The following TXLNB variants were observed in gnomAD, a reference collection of about 807,000 sequenced individuals.
TXLNB encodes taxilin beta.
A neutral mutation model predicts 57.4 loss-of-function variants in TXLNB; 37 were observed. The ratio of observed to expected loss-of-function variants is 0.64; its 90% CI spans 0.50 to 0.85. The LOEUF is 0.85. TXLNB is among the 40% of genes least tolerant of loss of function. The pLI is 0.00. For missense variants in TXLNB, 848 were observed against 825.6 expected, an observed-to-expected ratio of 1.03 and a Z score of -0.33; for synonymous variants, 302 against 309.6, an observed-to-expected ratio of 0.98 and a Z score of 0.26.
chr6:139,197,955 C>T, the TXLNB span: 48 of 152,320 alleles, frequency 3.2e-4, no homozygotes, highest in East Asian at 8.9e-3. Flanking sequence ...GAGGTCATAA[C>T]TCTTATGGCC....
At chr6:139,250,722 A>G (rs1776183932) in intron 7 of TXLNB, among the ~76,000 whole-genome samples, 1 of 152,140 alleles carries the variant, frequency 6.6e-6, no homozygotes, top group Non-Finnish European at 1.5e-5. Flanking sequence ...TCCCTCTTGC[A>G]GCCCTGTAGT....
chr6:139,171,633 T>C, the TXLNB span, among the ~76,000 whole-genome samples: 2 of 152,252 alleles, frequency 1.3e-5, no homozygotes, highest in South Asian at 4.2e-4. Flanking sequence ...TTCTTTTTTC[T>C]TTCTTTTTTT....
chr6:139,299,984 C>G, the TXLNB span, among the ~76,000 whole-genome samples: 2 of 152,044 alleles, frequency 1.3e-5, no homozygotes, highest in African/African-American at 4.8e-5. Flanking sequence ...GGTTTTCTAA[C>G]TAACTAACTA....
the TXLNB span, among the ~76,000 whole-genome samples, chr6:139,190,185 C>T: frequency 1.3e-5 from 2 of 152,110 alleles, no homozygotes; most frequent in Non-Finnish European, 2.9e-5. Context: ...TATAACAATA[C>T]CTTAGACTGC....
chr6:139,311,663 G>T, the TXLNB span, among the ~76,000 whole-genome samples: 1 of 152,122 alleles, frequency 6.6e-6, no homozygotes, highest in Non-Finnish European at 1.5e-5. Flanking sequence ...CTGGAAGGAA[G>T]GACATCCAGA....
chr6:139,294,699 T>C (rs1409070134), upstream of TXLNB, among the ~76,000 whole-genome samples: 1 of 152,046 alleles, frequency 6.6e-6, no homozygotes, highest in Non-Finnish European at 1.5e-5. Flanking sequence ...GAAATAAATT[T>C]CCATTGTTGG....
At chr6:139,168,573 C>T in the TXLNB span, among the ~76,000 whole-genome samples, 6,214 of 152,046 alleles carry the variant, frequency 0.041, 135 homozygotes, top group African/African-American at 0.062. Context: ...GACTCTTACC[C>T]TCCTGCTTCT....
Position 139,288,858 on chromosome 6 carries a change from C to G in TXLNB, c.42G>C (p.Gln14His). 6.2e-7 allele frequency: 1 copy of G among 1,614,180 alleles called. No homozygotes were observed. The highest frequency in any genetic ancestry group is 1.3e-5 in the African/African-American group (1 of 75,046). ...NHSEQLSAER[Q>H]STPPGDSSSL... is the part of the protein sequence containing the mutation. ...ATGAACTGTCACCTGGAGGTGTTGA[C>G]TGTCGTTCCGCTGAGAGCTGTTCAG... is the stretch of plus-strand genomic sequence containing the variant. The change falls in exon 2 of 10, where the codon CAG (glutamine) becomes CAC (histidine). Residue 14 changes from glutamine (Q) to histidine (H), a missense_variant. Physicochemically the swap from Gln to His is conservative, Grantham distance 24 (BLOSUM62 0). Transcript: ENST00000358430.
intron 3 of TXLNB, among the ~76,000 whole-genome samples, chr6:139,273,386 C>T (rs1031919640): frequency 1.3e-5 from 2 of 152,190 alleles, no homozygotes; most frequent in Non-Finnish European, 2.9e-5. Flanking sequence ...AGGAAGACAC[C>T]CTACAGGTGT....
the TXLNB span, among the ~76,000 whole-genome samples, chr6:139,226,326 AAGAGAT>A: frequency 1.2e-5 from 1 of 85,364 alleles, no homozygotes; most frequent in East Asian, 5.5e-4. Flanking sequence ...AAAAAAAAAA[AAGAGAT>A]AGAGAGAGAG....
the TXLNB span, among the ~76,000 whole-genome samples, chr6:139,186,062 G>A: frequency 1.3e-5 from 2 of 151,980 alleles, no homozygotes; most frequent in Non-Finnish European, 2.9e-5. Flanking sequence ...GTTGATTTTC[G>A]GCAAAGGTAC....
At chr6:139,208,528 A>T in the TXLNB span, among the ~76,000 whole-genome samples, 1 of 152,204 alleles carries the variant, frequency 6.6e-6, no homozygotes, top group African/African-American at 2.4e-5. Flanking sequence ...ATGAACATAG[A>T]TGCAAAAATC....
Position 139,276,905 on chromosome 6 carries a change from C to T in TXLNB, c.441G>A (p.Leu147=). 6.3e-7 allele frequency: 1 copy of T among 1,582,662 alleles called. No homozygotes were observed. Among genetic ancestry groups the T allele is most frequent in the East Asian group, 2.3e-5 (1 of 44,160 alleles). The change falls in exon 3 of 10, where the codon CTG becomes CTA. Residue 147 remains leucine, a synonymous_variant. Coordinates refer to ENST00000358430, the MANE Select transcript of TXLNB (RefSeq NM_153235.4). ...GCAACTTGTTCAGATTTTGCATTAG[C>T]AGGTTGGCTTCTTTGCCTTAAAAAA... is the stretch of plus-strand genomic sequence containing the variant. The part of the protein sequence containing the change: ...ILKGLGKEAN[L]LMQNLNKLQT...
the TXLNB span, chr6:139,166,367 A>G: frequency 6.2e-7 from 1 of 1,614,148 alleles, no homozygotes; most frequent in Non-Finnish European, 8.5e-7. Context: ...GGTGGTGTGC[A>G]ACAACGAGCA....
the TXLNB span, among the ~76,000 whole-genome samples, chr6:139,169,013 A>G: frequency 1.3e-5 from 2 of 152,088 alleles, no homozygotes; most frequent in South Asian, 2.1e-4. Flanking sequence ...ATATATCCCT[A>G]ATGTTCTGAA....
the TXLNB span, among the ~76,000 whole-genome samples, chr6:139,315,541 C>T: frequency 6.6e-6 from 1 of 152,158 alleles, no homozygotes; most frequent in African/African-American, 2.4e-5. Flanking sequence ...ATTTGTTAGA[C>T]CTCTGGCTGC....
At chr6:139,233,266 A>G in the TXLNB span, among the ~76,000 whole-genome samples, 237 of 150,920 alleles carry the variant, frequency 1.6e-3, no homozygotes, top group African/African-American at 5.5e-3. Flanking sequence ...TTAGAGTGAT[A>G]TAATTATGAG....
At chr6:139,227,751 T>C in the TXLNB span, among the ~76,000 whole-genome samples, 19 of 151,898 alleles carry the variant, frequency 1.3e-4, no homozygotes, top group African/African-American at 4.1e-4. Context: ...GAATTGCACA[T>C]AGATAGTTTT....
Position 139,242,913 on chromosome 6 carries a change from C to T in TXLNB, c.1668G>A (p.Leu556=). The part of the protein sequence containing the change: ...LIPSRDSESP[L]PPLTPQAEAE... ...CTTCAGCCTGAGGAGTTAGGGGAGG[C>T]AGGGGACTCTCTGAATCCCGTGAAG... The change falls in exon 10 of 10, where the codon CTG becomes CTA. Residue 556 remains leucine, a synonymous_variant. Transcript: ENST00000358430. The T allele has an allele frequency of 6.2e-7, 1 of 1,614,084 alleles. No individual in the cohort carries two copies. The highest frequency in any genetic ancestry group is 1.3e-5 in the African/African-American group (1 of 75,040).
Sources: gnomAD v4.1 joint callset for allele counts (sites outside exome capture counted in the v4.1 genomes callset) on GRCh38, gnomAD v4.1.1 for gene constraint, MANE v1.5 for transcripts, NCBI Gene and HGNC (gene_info 2026-07-23, HGNC 2026-07-21) for gene names.